Variants in UGT2B11 observed in about 807,000 individuals in gnomAD.
The protein encoded by UGT2B11 is UDP glucuronosyltransferase family 2 member B11, also known as UDP-glucuronosyltransferase 2B11.
UGT2B11 carries 49 observed loss-of-function variants against 51.7 expected under a neutral mutation model. The observed-to-expected ratio is 0.95, with a 90% CI of 0.75 to 1.20. The LOEUF is 1.20. Among genes scored for constraint, UGT2B11 ranks in the 50% most tolerant of loss-of-function variants. UGT2B11 has a pLI of 0.00. For synonymous variants in UGT2B11, 273 were observed against 209.0 expected, an observed-to-expected ratio of 1.31 and a Z score of -2.64; for missense variants, 810 against 622.1, an observed-to-expected ratio of 1.30 and a Z score of -3.21.
At chr4:69,210,327 A>C (rs927312427) in intron 2 of UGT2B11, among the ~76,000 whole-genome samples, 2 of 151,638 alleles carry the variant, frequency 1.3e-5, no homozygotes, top group Non-Finnish European at 3.0e-5. Context: ...ACGTGAATAT[A>C]TTATAAAATT....
the UGT2B11 span, among the ~76,000 whole-genome samples, chr4:69,223,622 G>A: frequency 6.6e-6 from 1 of 152,146 alleles, no homozygotes; most frequent in African/African-American, 2.4e-5. Context: ...ACGTGGGCCT[G>A]GCCATAAAAT....
At chr4:69,202,405 A>G (rs979722120) in intron 5 of UGT2B11, among the ~76,000 whole-genome samples, 3 of 151,716 alleles carry the variant, frequency 2.0e-5, no homozygotes, top group African/African-American at 4.8e-5. Flanking sequence ...ATATTTTAGT[A>G]ATAGTATTTT....
At chr4:69,213,349 TAAAG>T (rs1722145832) in intron 1 of UGT2B11, among the ~76,000 whole-genome samples, 1 of 151,810 alleles carries the variant, frequency 6.6e-6, no homozygotes, top group Non-Finnish European at 1.5e-5. Context: ...TATTTTTAAA[TAAAG>T]AGACATGGTT....
chr4:69,214,051 G>T lies in UGT2B11; in HGVS notation c.672C>A (p.Phe224Leu). 6.2e-7 allele frequency: 1 copy of T among 1,603,430 alleles called. No individual in the cohort carries two copies. The highest frequency in any genetic ancestry group is 1.7e-5 in the Admixed American group (1 of 58,078). ...MIYVLYFDFWFQMSDMKKWDQ... is the reference protein window; with the variant it reads ...MIYVLYFDFWLQMSDMKKWDQ... ...CCCACTTCTTCATATCAGACATTTGGAACCAAAAGTCAAAATAAAGCACAT... is the reference window on the plus strand; with the variant it reads ...CCCACTTCTTCATATCAGACATTTGTAACCAAAAGTCAAAATAAAGCACAT... Residue 224 changes from phenylalanine (F) to leucine (L), a missense_variant, in exon 1 of 6, where the codon TTC becomes TTA. Phe to Leu is a conservative substitution (Grantham distance 22). Coordinates refer to ENST00000446444, the MANE Select transcript of UGT2B11 (RefSeq NM_001073.3).
At chr4:69,209,122 G>A (rs1306754073) in intron 2 of UGT2B11, among the ~76,000 whole-genome samples, 2 of 151,638 alleles carry the variant, frequency 1.3e-5, no homozygotes, top group Non-Finnish European at 3.0e-5. Context: ...TGACATTCCT[G>A]AGTCTAGTAT....
chr4:69,221,398 T>C, the UGT2B11 span, among the ~76,000 whole-genome samples: 17 of 152,254 alleles, frequency 1.1e-4, no homozygotes, highest in African/African-American at 3.4e-4. Context: ...TAAGGAAAAA[T>C]GGTGGGGCCT....
chr4:69,200,553 C>A lies in UGT2B11; in HGVS notation c.1477G>T (p.Val493Leu), dbSNP rs1320305559. 2 of 1,612,278 alleles carry A rather than the reference C, an allele frequency of 1.2e-6. No individual in the cohort carries two copies. The highest frequency in any genetic ancestry group is 2.7e-5 in the African/African-American group (2 of 74,740). Residue 493 changes from valine to leucine, a missense_variant, in exon 6 of 6, where the codon GTG becomes TTG. Transcript: ENST00000446444. Reference protein sequence around the residue: ...LTWFQYHSLDVIGFLLACVAT... With the variant: ...LTWFQYHSLDLIGFLLACVAT... ...ACACAGGCCAGCAGAAACCCAATCA[C>A]ATCCAAAGAGTGGTACTGGAACCAG...
At chr4:69,213,055 C>G (rs947923828) in intron 1 of UGT2B11, among the ~76,000 whole-genome samples, 9 of 151,312 alleles carry the variant, frequency 5.9e-5, no homozygotes, top group Non-Finnish European at 1.3e-4. Context: ...GATATTTAAA[C>G]AACTCTTTGA....
intron 3 of UGT2B11, 113 bp from the exon 4 acceptor site, chr4:69,205,680 C>T: frequency 8.4e-7 from 1 of 1,189,352 alleles, no homozygotes; most frequent in Non-Finnish European, 1.2e-6. Context: ...AATAAATCTA[C>T]TCAAAGATTG....
chr4:69,214,749 C>A (rs370265173), upstream of UGT2B11: 94 of 1,601,764 alleles, frequency 5.9e-5, no homozygotes, highest in African/African-American at 2.2e-4. Context: ...CATTCTTTTC[C>A]AGTCACTGTT....
At chr4:69,208,228 A>G in intron 3 of UGT2B11, 123 bp downstream of exon 3, 1 of 1,533,986 alleles carries the variant, frequency 6.5e-7, no homozygotes, top group Non-Finnish European at 8.8e-7. Context: ...CAACATAAGC[A>G]TATTTAAGGA....
At position 69,204,591 on chromosome 4, in the gene UGT2B11, T is replaced by C; in HGVS notation, c.1149A>G (p.Ala383=). The change falls in exon 5 of 6, where the codon GCA becomes GCG. Residue 383 remains alanine (A), a synonymous_variant. Coordinates refer to ENST00000446444, the MANE Select transcript of UGT2B11 (RefSeq NM_001073.3). The part of the protein sequence containing the change: ...THGGANGIYE[A]IYHGIPMVGI... ...CCACCATAGGGATCCCATGGTAGATTGCCTCATAGATGCCATTGGCTCCAC... is the reference window on the plus strand; with the variant it reads ...CCACCATAGGGATCCCATGGTAGATCGCCTCATAGATGCCATTGGCTCCAC... 6.2e-7 allele frequency: 1 copy of C among 1,612,130 alleles called. No individual in the cohort carries two copies. The highest frequency in any genetic ancestry group is 8.5e-7 in the Non-Finnish European group (1 of 1,178,746).
chr4:69,224,965 A>T, the UGT2B11 span, among the ~76,000 whole-genome samples: 2 of 152,196 alleles, frequency 1.3e-5, no homozygotes, highest in Non-Finnish European at 2.9e-5. Flanking sequence ...CAGAATTGTA[A>T]CTTAAGTTTT....
chr4:69,203,404 T>A (rs1279194187), intron 5 of UGT2B11, among the ~76,000 whole-genome samples: 1 of 151,790 alleles, frequency 6.6e-6, no homozygotes, highest in Non-Finnish European at 1.5e-5. Context: ...GTACTGCTGA[T>A]GGTAGTGATG....
the UGT2B11 span, among the ~76,000 whole-genome samples, chr4:69,220,019 A>C: frequency 5.3e-5 from 8 of 152,318 alleles, no homozygotes; most frequent in African/African-American, 1.7e-4. Flanking sequence ...GAGCCTAAAA[A>C]ACAAAAGCAA....
Position 69,214,445 on chromosome 4 carries a change from T to C in UGT2B11, c.278A>G (p.Gln93Arg), listed in dbSNP as rs1291810264. ...KTEFENIIMQ[Q>R]VKRWSDIRKD... ...TCGAATGTCTGACCATCTCTTAACC[T>C]GTTGCATGATGATATTCTCAAATTC... The change falls in exon 1 of 6, where the codon CAG (glutamine) becomes CGG (arginine). Residue 93 changes from glutamine (Q) to arginine (R), a missense_variant. Transcript: ENST00000446444. The C allele has an allele frequency of 6.2e-7, 1 of 1,613,270 alleles. No homozygotes were observed. The highest frequency in any genetic ancestry group is 1.7e-5 in the Admixed American group (1 of 59,920).
chr4:69,203,843 A>T (rs1395179500), intron 5 of UGT2B11, among the ~76,000 whole-genome samples: 2 of 151,656 alleles, frequency 1.3e-5, no homozygotes, highest in Admixed American at 1.3e-4. Context: ...AGGACTAAGC[A>T]GTTATGAGAA....
chr4:69,205,169 C>A (rs1461522344), intron 4 of UGT2B11, among the ~76,000 whole-genome samples: 2 of 151,494 alleles, frequency 1.3e-5, no homozygotes, highest in Non-Finnish European at 3.0e-5. Flanking sequence ...AATAATCCTG[C>A]AGGAGAGGAG....
intron 1 of UGT2B11, among the ~76,000 whole-genome samples, chr4:69,213,572 A>T (rs1722153373): frequency 6.6e-6 from 1 of 151,580 alleles, no homozygotes; most frequent in Non-Finnish European, 1.5e-5. Context: ...TTCAATATCT[A>T]AATAAGAAAA....
Sources: gnomAD v4.1 joint callset for allele counts (sites outside exome capture counted in the v4.1 genomes callset) on GRCh38, gnomAD v4.1.1 for gene constraint, MANE v1.5 for transcripts, NCBI Gene and HGNC (gene_info 2026-07-23, HGNC 2026-07-21) for gene names.